SLC16A12: variants seen among roughly 807,000 people sequenced by gnomAD.
SLC16A12 encodes solute carrier family 16 member 12.
A neutral mutation model predicts 42.4 loss-of-function variants in SLC16A12; 17 were observed. The ratio of observed to expected loss-of-function variants is 0.40; its 90% CI spans 0.27 to 0.60. The LOEUF (loss-of-function observed/expected upper bound fraction) is 0.60. Ranked by LOEUF, SLC16A12 falls within the 20% of genes least tolerant of loss-of-function variation. The probability of loss-of-function intolerance (pLI) is 0.42; values close to 1 mark genes in which losing one functional copy is unlikely to be tolerated. For missense variants in SLC16A12, 544 were observed against 623.0 expected, an observed-to-expected ratio of 0.87 and a Z score of 1.35; for synonymous variants, 224 against 229.4, an observed-to-expected ratio of 0.98 and a Z score of 0.21.
chr10:89,433,659 G>A (rs1180183797), intron 7 of SLC16A12, among the ~76,000 whole-genome samples: 1 of 152,068 alleles, frequency 6.6e-6, no homozygotes, highest in African/African-American at 2.4e-5. Flanking sequence ...TATTAAGGTT[G>A]GAATAATTTA....
chr10:89,491,601 A>G (rs1842848387), intron 2 of SLC16A12, among the ~76,000 whole-genome samples: 1 of 152,122 alleles, frequency 6.6e-6, no homozygotes, highest in African/African-American at 2.4e-5. Flanking sequence ...CTCCCACTAC[A>G]AACAGACAAT....
intron 2 of SLC16A12, among the ~76,000 whole-genome samples, chr10:89,549,993 C>T (rs1293621244): frequency 1.3e-5 from 2 of 152,112 alleles, no homozygotes; most frequent in Non-Finnish European, 2.9e-5. Context: ...TCATTCATTC[C>T]ATTCGTCAAG....
chr10:89,436,872 G>GAAAGAAAGAAAGAAAGAA (rs2133682385), intron 6 of SLC16A12, among the ~76,000 whole-genome samples: 1 of 80,962 alleles, frequency 1.2e-5, no homozygotes, highest in East Asian at 3.6e-4. Flanking sequence ...TAAAGAAAAA[G>GAAAGAAAGAAAGAAAGAA]AAAGAAAGAA....
chr10:89,486,604 AAAGAAAGAAAGAAAG>A (rs1355409435), intron 2 of SLC16A12, among the ~76,000 whole-genome samples: 8 of 38,176 alleles, frequency 2.1e-4, no homozygotes, highest in South Asian at 1.0e-3. Flanking sequence ...AAAAAAAAAA[AAAGAAAGAAAGAAAG>A]AAAGAAAGAA....
chr10:89,469,335 T>C (rs1031525366), intron 2 of SLC16A12, among the ~76,000 whole-genome samples: 1 of 152,244 alleles, frequency 6.6e-6, no homozygotes, highest in Admixed American at 6.5e-5. Context: ...TATTCTCAAT[T>C]TCACTTTATC....
intron 3 of SLC16A12, among the ~76,000 whole-genome samples, chr10:89,458,118 C>G (rs1842227659): frequency 6.6e-6 from 1 of 152,126 alleles, no homozygotes. Context: ...CTTTAAAGAA[C>G]CAGCATCCAT....
chr10:89,446,310 T>C (rs1455016963), intron 3 of SLC16A12, among the ~76,000 whole-genome samples: 1 of 152,034 alleles, frequency 6.6e-6, no homozygotes, highest in Non-Finnish European at 1.5e-5. Context: ...AATTATCAGA[T>C]TCACCAATGT....
In SLC16A12 at chr10:89,511,962, T is replaced by C. The variant is rs1022724400; in HGVS notation, c.-47+22539A>G. ...AGGCAAAATGTGGCACATAATGGATTACGCAGCCTTATAAAGGAAGGACAT... is the reference window on the plus strand; with the variant it reads ...AGGCAAAATGTGGCACATAATGGATCACGCAGCCTTATAAAGGAAGGACAT... On this transcript the variant is annotated intron_variant, in intron 2 of 7. Coordinates refer to ENST00000371790, the MANE Select transcript of SLC16A12 (RefSeq NM_213606.4). Among the ~76,000 whole-genome samples, 17 of 152,318 alleles carry C rather than the reference T, an allele frequency of 1.1e-4. No homozygotes were observed. In the East Asian group the frequency reaches 2.9e-3, roughly 26 times the overall value.
intron 2 of SLC16A12, among the ~76,000 whole-genome samples, chr10:89,489,033 A>T (rs1489531302): frequency 6.6e-6 from 1 of 152,230 alleles, no homozygotes; most frequent in African/African-American, 2.4e-5. Context: ...TTAAGTAATC[A>T]TCTCTAGAAA....
rs1199389488 is a variant in SLC16A12, at chr10:89,431,046, G to A, written c.*2018C>T. Reference sequence around the variant, plus strand: ...GGAGTCTTGCTCTGTCGCCCAGGGTGGAGTGCAGTGGCATGATTTTGGCTC... The same window carrying A: ...GGAGTCTTGCTCTGTCGCCCAGGGTAGAGTGCAGTGGCATGATTTTGGCTC... On this transcript the variant is annotated 3_prime_UTR_variant, in exon 8 of 8. Coordinates refer to ENST00000371790, the MANE Select transcript of SLC16A12 (RefSeq NM_213606.4). 1 of 238,630 alleles carries A rather than the reference G, an allele frequency of 4.2e-6. No individual in the cohort carries two copies. Among genetic ancestry groups the A allele is most frequent in the Non-Finnish European group, 8.1e-6 (1 of 123,166 alleles). 14.8% of individuals were successfully genotyped at this position (238,630 alleles called of 1,614,324 possible). A position where few individuals can be genotyped will look rare whatever the true frequency, so the allele number is the denominator to read the frequency against.
chr10:89,504,833 C>T (rs893932076), intron 2 of SLC16A12, among the ~76,000 whole-genome samples: 4 of 152,186 alleles, frequency 2.6e-5, no homozygotes, highest in African/African-American at 9.7e-5. Context: ...CCACTGCCAA[C>T]AAGCCCTGGT....
At chr10:89,438,298 C>T (rs921231099) in intron 6 of SLC16A12, among the ~76,000 whole-genome samples, 6 of 152,176 alleles carry the variant, frequency 3.9e-5, no homozygotes, top group African/African-American at 1.4e-4. Context: ...TGCATAAAGT[C>T]TTATTGGAAC....
chr10:89,517,381 C>A (rs959863490), intron 2 of SLC16A12, among the ~76,000 whole-genome samples: 2 of 151,974 alleles, frequency 1.3e-5, no homozygotes, highest in African/African-American at 4.8e-5. Flanking sequence ...GTAGCACAAT[C>A]ATAGCTCACT....
chr10:89,443,921 C>T (rs1841956861), intron 3 of SLC16A12, 62 bp from the exon 4 acceptor site: 1 of 1,094,296 alleles, frequency 9.1e-7, no homozygotes, highest in African/African-American at 1.5e-5. Flanking sequence ...TGAGCCAGAA[C>T]TTAAAATGTT....
intron 2 of SLC16A12, among the ~76,000 whole-genome samples, chr10:89,470,408 A>G (rs1168039555): frequency 6.6e-6 from 1 of 152,186 alleles, no homozygotes; most frequent in Admixed American, 6.5e-5. Flanking sequence ...GGCCTGTGCT[A>G]TTTGTCCCAT....
At chr10:89,543,179 A>T (rs1341870769) in intron 2 of SLC16A12, among the ~76,000 whole-genome samples, 1 of 152,240 alleles carries the variant, frequency 6.6e-6, no homozygotes, top group Non-Finnish European at 1.5e-5. Flanking sequence ...AATTTAGTAA[A>T]TTTTAAATCT....
intron 2 of SLC16A12, among the ~76,000 whole-genome samples, chr10:89,486,587 GTC>G (rs1166710813): frequency 8.0e-4 from 49 of 61,212 alleles, no homozygotes; most frequent in African/African-American, 2.5e-3. Context: ...GTGAAACCTT[GTC>G]TCAAAAAAAA....
chr10:89,520,719 C>T (rs1334476253), intron 2 of SLC16A12, among the ~76,000 whole-genome samples: 1 of 45,512 alleles, frequency 2.2e-5, no homozygotes, highest in African/African-American at 2.2e-4. Flanking sequence ...GTCACATAGG[C>T]CAAAAAAAAA....
intron 2 of SLC16A12, among the ~76,000 whole-genome samples, chr10:89,525,685 A>T (rs1317526956): frequency 2.6e-5 from 4 of 152,210 alleles, no homozygotes; most frequent in African/African-American, 9.7e-5. Context: ...TTAAGTTAGT[A>T]GCTGTTGCCA....
Sources: allele counts gnomAD v4.1 joint callset (sites outside exome capture counted in the v4.1 genomes callset), GRCh38; gene constraint gnomAD v4.1.1; transcripts MANE v1.5; gene names NCBI Gene and HGNC (gene_info 2026-07-23, HGNC 2026-07-21).